The following FGGY variants were observed in gnomAD, a reference collection of about 807,000 sequenced individuals.
FGGY encodes the protein FGGY carbohydrate kinase domain-containing protein.
In FGGY, 72 loss-of-function variants were observed where a neutral mutation model predicts 71.3. That is an observed-to-expected ratio of 1.01 (90% CI 0.84 to 1.23). The LOEUF (loss-of-function observed/expected upper bound fraction) is 1.23. FGGY is among the 50% of genes most tolerant of loss of function. FGGY has a pLI of 0.00. For synonymous variants in FGGY, 251 were observed against 250.3 expected, an observed-to-expected ratio of 1.00 and a Z score of -0.02; for missense variants, 668 against 682.3, an observed-to-expected ratio of 0.98 and a Z score of 0.23.
At chr1:59,593,122 AT>A (rs2096476374) in intron 8 of FGGY, among the ~76,000 whole-genome samples, 1 of 152,204 alleles carries the variant, frequency 6.6e-6, no homozygotes, top group South Asian at 2.1e-4. Context: ...TGTGTGGGAC[AT>A]TTATGTGGCC....
intron 8 of FGGY, among the ~76,000 whole-genome samples, chr1:59,594,644 G>A (rs539570215): frequency 3.7e-4 from 56 of 152,300 alleles, no homozygotes; most frequent in African/African-American, 1.3e-3. Context: ...CCCTATGAGA[G>A]CAAGCCAATG....
intron 10 of FGGY, among the ~76,000 whole-genome samples, chr1:59,629,243 TG>T (rs1411154396): frequency 1.3e-5 from 2 of 152,096 alleles, no homozygotes; most frequent in African/African-American, 4.8e-5. Flanking sequence ...AATAAATAAA[TG>T]ATTGTTGTAG....
chr1:59,462,203 G>T (rs2092292770), intron 6 of FGGY, among the ~76,000 whole-genome samples: 1 of 152,062 alleles, frequency 6.6e-6, no homozygotes, highest in Non-Finnish European at 1.5e-5. Flanking sequence ...AACAAGAAAT[G>T]GGGAAAGGAT....
intron 6 of FGGY, among the ~76,000 whole-genome samples, chr1:59,480,793 G>A (rs2093439935): frequency 6.6e-6 from 1 of 152,052 alleles, no homozygotes; most frequent in Admixed American, 6.6e-5. Flanking sequence ...GAAAAGGGAG[G>A]GAGGAAACAG....
intron 14 of FGGY, among the ~76,000 whole-genome samples, chr1:59,749,525 AG>A (rs2098227672): frequency 6.6e-6 from 1 of 152,178 alleles, no homozygotes; most frequent in Admixed American, 6.5e-5. Context: ...ATTTGGTGTC[AG>A]GAGTGTTGTA....
At chr1:59,340,205 C>G in intron 3 of FGGY, 136 bp downstream of exon 3, 1 of 634,264 alleles carries the variant, frequency 1.6e-6, no homozygotes, top group African/African-American at 1.8e-5. Context: ...TGACACAGAT[C>G]ATGTTGCAGA....
chr1:59,367,881 T>C (rs549802790), intron 4 of FGGY, among the ~76,000 whole-genome samples: 2 of 152,264 alleles, frequency 1.3e-5, no homozygotes, highest in East Asian at 3.9e-4. Context: ...ACAAATGCTG[T>C]GGTTTGATGA....
chr1:59,362,939 A>C (rs576278974), intron 4 of FGGY, among the ~76,000 whole-genome samples: 2 of 152,286 alleles, frequency 1.3e-5, no homozygotes, highest in East Asian at 3.9e-4. Flanking sequence ...ATTTTTTTGC[A>C]AAGTCAAGAA....
At chr1:59,688,064 A>G (rs574686376) in intron 14 of FGGY, among the ~76,000 whole-genome samples, 1 of 152,166 alleles carries the variant, frequency 6.6e-6, no homozygotes, top group Non-Finnish European at 1.5e-5. Flanking sequence ...AATACTGCCT[A>G]TACACCCAGC....
Position 59,373,761 on chromosome 1 carries a change from C to A in FGGY, c.466-4988C>A, listed in dbSNP as rs1571214512. 2.6e-5 allele frequency among the ~76,000 whole-genome samples: 4 copies of A among 152,166 alleles called. No homozygotes were observed. In the East Asian group the frequency reaches 7.7e-4, roughly 29 times the overall value. ...CCTCAGAAATAACGCCGCATATCTA[C>A]AACTATCTGATCTTTGACAAACCTG... On this transcript the variant is annotated intron_variant, in intron 4 of 15. Transcript: ENST00000303721.
chr1:59,428,728 A>G (rs570389850), intron 5 of FGGY, among the ~76,000 whole-genome samples: 18 of 152,318 alleles, frequency 1.2e-4, no homozygotes, highest in Admixed American at 2.6e-4. Flanking sequence ...ACATGTTCAT[A>G]TTATGTTGCC....
chr1:59,635,747 G>A (rs770303639), intron 10 of FGGY, among the ~76,000 whole-genome samples: 9 of 152,182 alleles, frequency 5.9e-5, no homozygotes, highest in Admixed American at 5.2e-4. Flanking sequence ...ATTCGTGTTC[G>A]CTGATACGTT....
intron 5 of FGGY, among the ~76,000 whole-genome samples, chr1:59,410,922 TG>T (rs1450275909): frequency 6.6e-6 from 1 of 152,232 alleles, no homozygotes; most frequent in African/African-American, 2.4e-5. Context: ...TTAGTTACTA[TG>T]GGAACCTTCT....
At chr1:59,524,264 C>T (rs906509489) in intron 7 of FGGY, among the ~76,000 whole-genome samples, 1 of 152,184 alleles carries the variant, frequency 6.6e-6, no homozygotes, top group Non-Finnish European at 1.5e-5. Flanking sequence ...TGGGCGCCAA[C>T]GAGCATGGCA....
intron 8 of FGGY, among the ~76,000 whole-genome samples, 195 bp downstream of exon 8, chr1:59,554,422 G>T (rs1386375550): frequency 1.3e-5 from 2 of 152,102 alleles, no homozygotes; most frequent in Non-Finnish European, 2.9e-5. Context: ...TTTTCCAGGG[G>T]CCAAATTCTT....
chr1:59,674,706 A>C (rs1006733427), intron 14 of FGGY, among the ~76,000 whole-genome samples: 1 of 152,222 alleles, frequency 6.6e-6, no homozygotes, highest in Non-Finnish European at 1.5e-5. Context: ...TAAATTGCAT[A>C]ATTCTTACTT....
intron 5 of FGGY, among the ~76,000 whole-genome samples, chr1:59,444,734 C>T (rs765930561): frequency 2.0e-5 from 3 of 152,160 alleles, no homozygotes; most frequent in South Asian, 2.1e-4. Context: ...AAGTTGCACG[C>T]TCCTTATGAG....
chr1:59,686,240 T>C (rs899038473), intron 14 of FGGY, among the ~76,000 whole-genome samples: 1 of 152,140 alleles, frequency 6.6e-6, no homozygotes, highest in African/African-American at 2.4e-5. Context: ...TTCCTTCCCT[T>C]GGCCAGCTTT....
rs12140388 is a variant in FGGY, at chr1:59,411,992, G to A, written c.554+33155G>A. Among the ~76,000 whole-genome samples, 914 of 152,134 alleles carry A rather than the reference G, an allele frequency of 6.0e-3. 8 individuals are homozygous for A. The highest frequency in any genetic ancestry group is 0.01 in the Non-Finnish European group (705 of 68,020). On this transcript the variant is annotated intron_variant, in intron 5 of 15. Coordinates refer to ENST00000303721, the MANE Select transcript of FGGY (RefSeq NM_018291.5). ...CTCTCCCCAGTGCACTGACACTTCC[G>A]TCACTTAGGTCATTGCTAAAGCAGT...
Sources: gnomAD v4.1 joint callset for allele counts (sites outside exome capture counted in the v4.1 genomes callset) on GRCh38, gnomAD v4.1.1 for gene constraint, MANE v1.5 for transcripts, NCBI Gene and HGNC (gene_info 2026-07-23, HGNC 2026-07-21) for gene names.